The following TANC1 variants were observed in gnomAD, a reference collection of about 807,000 sequenced individuals.
TANC1 encodes protein TANC1.
Under a neutral mutation model 149.7 loss-of-function variants are expected in TANC1, and 77 were observed. That is an observed-to-expected ratio of 0.51 (90% CI 0.43 to 0.62). TANC1 has a LOEUF of 0.62. Among genes scored for constraint, TANC1 ranks in the 20% least tolerant of loss-of-function variants. The pLI, the probability that TANC1 is intolerant of heterozygous loss-of-function variation, is 0.00. For synonymous variants in TANC1, 854 were observed against 925.0 expected (o/e 0.92, Z 1.39); for missense variants, 1,985 against 2,321.8 (o/e 0.85, Z 2.98).
rs753976579 is a variant in TANC1 at position 159,230,903 on chromosome 2, T to C, written c.5477T>C (p.Leu1826Pro). The C allele has an allele frequency of 1.2e-6, 2 of 1,614,236 alleles. No individual in the cohort carries two copies. The stretch of plus-strand genomic sequence containing the variant: ...AGGATAACTAAGACTGTTTCTCATC[T>C]GTACCAGGAAAGTATCTCCAAACAG... The part of the protein sequence containing the change: ...ENRITKTVSH[L>P]YQESISKQQP... Residue 1826 changes from leucine (L) to proline (P), a missense_variant, in exon 27 of 27, where the codon CTG (leucine) becomes CCG (proline). Physicochemically the swap from Leu to Pro is moderately conservative, Grantham distance 98 (BLOSUM62 -3). Transcript: ENST00000263635. The surrounding 1 kb of genome is among the most constrained non-coding windows in gnomAD (Gnocchi z 4.4).
intron 2 of TANC1, among the ~76,000 whole-genome samples, chr2:159,047,203 T>G (rs2041137845): frequency 6.8e-6 from 1 of 147,392 alleles, no homozygotes; most frequent in Non-Finnish European, 1.5e-5. Flanking sequence ...CCCCCAGTTA[T>G]TGCCTGCTTC....
rs1553616294 is a variant in TANC1 at position 159,219,977 on chromosome 2, A to AGAGAGTGT, written c.3678+111_3678+112insAGAGTGTG. 68 of 560,688 alleles carry AGAGAGTGT rather than the reference A, an allele frequency of 1.2e-4. No homozygotes were observed. The African/African-American group carries it at 1.3e-3, about 10-fold the overall frequency. The allele number at this position is 560,688 out of a possible 1,614,324, so 34.7% of individuals were successfully genotyped here. On this transcript the variant is annotated intron_variant, in intron 22 of 26. Transcript: ENST00000263635. ...AGGTTGTGTCTCAGTGTCATCAGAG[A>AGAGAGTGT]GTGTGTGTGTGTGTGTGTGTGTGTG...
At chr2:159,118,169 G>A (rs1402738799) in intron 4 of TANC1, among the ~76,000 whole-genome samples, 4 of 152,188 alleles carry the variant, frequency 2.6e-5, no homozygotes, top group Admixed American at 2.0e-4. Context: ...AACGTAGTGG[G>A]TGCCAGGTTG....
intron 1 of TANC1, among the ~76,000 whole-genome samples, chr2:158,974,647 G>A (rs1335954543): frequency 6.6e-6 from 1 of 152,040 alleles, no homozygotes; most frequent in Non-Finnish European, 1.5e-5. Flanking sequence ...TGGCCAGGCT[G>A]GTCTTGAACT....
intron 3 of TANC1, among the ~76,000 whole-genome samples, chr2:159,067,406 A>G (rs183648267): frequency 1.3e-5 from 2 of 152,342 alleles, no homozygotes; most frequent in African/African-American, 4.8e-5. Context: ...AATGACCTAA[A>G]CAGGAGACCA....
chr2:159,173,253 A>T (rs1186927823), intron 11 of TANC1, among the ~76,000 whole-genome samples: 1 of 152,198 alleles, frequency 6.6e-6, no homozygotes, highest in Admixed American at 6.5e-5. Context: ...TTATTCTTAT[A>T]TCCTATAATA....
intron 16 of TANC1, among the ~76,000 whole-genome samples, chr2:159,189,707 AGCCCTTGCTCTGCAG>A (rs2057296029): frequency 6.6e-6 from 1 of 152,220 alleles, no homozygotes; most frequent in Non-Finnish European, 1.5e-5. Flanking sequence ...ACACTCAGCA[AGCCCTTGCTCTGCAG>A]GTGCCTTTAT....
At chr2:159,004,220 G>A (rs940891030) in intron 2 of TANC1, 159 of 1,612,424 alleles carry the variant, frequency 9.9e-5, no homozygotes, top group Non-Finnish European at 6.0e-5. Flanking sequence ...GGCAAGTCTT[G>A]GACAGTAAAG....
At chr2:159,004,367 A>G in intron 2 of TANC1, 2 of 1,533,380 alleles carry the variant, frequency 1.3e-6, no homozygotes, top group Non-Finnish European at 1.8e-6. Flanking sequence ...TGAACAAATC[A>G]GCTATGTGGT....
intron 21 of TANC1, 31 bp from the exon 22 acceptor site, chr2:159,219,661 T>C: frequency 6.2e-7 from 1 of 1,613,794 alleles, no homozygotes; most frequent in Non-Finnish European, 8.5e-7. Context: ...TCTCATAATG[T>C]TCATGTTCTG....
At chr2:159,151,409 C>T (rs2052796085) in intron 7 of TANC1, among the ~76,000 whole-genome samples, 1 of 152,236 alleles carries the variant, frequency 6.6e-6, no homozygotes, top group Admixed American at 6.5e-5. Context: ...TTCAGACCTT[C>T]CTCTGTTCCA....
chr2:159,058,339 T>A (rs901172478), intron 2 of TANC1, among the ~76,000 whole-genome samples: 6 of 152,222 alleles, frequency 3.9e-5, no homozygotes, highest in Non-Finnish European at 7.3e-5. Flanking sequence ...ATTTTGACCA[T>A]AAAGTTGGGA....
intron 3 of TANC1, among the ~76,000 whole-genome samples, chr2:159,074,215 G>A (rs1292662193): frequency 6.6e-6 from 1 of 152,204 alleles, no homozygotes; most frequent in Non-Finnish European, 1.5e-5. Context: ...AGTGCAGTGG[G>A]TAAAGGTAAA....
chr2:159,108,041 T>A (rs1352106821), intron 4 of TANC1, among the ~76,000 whole-genome samples: 1 of 152,230 alleles, frequency 6.6e-6, no homozygotes, highest in African/African-American at 2.4e-5. Context: ...AAGTAACTGT[T>A]AAAACCAATA....
Position 159,172,188 on chromosome 2 carries a change from C to T in TANC1, c.1419C>T (p.Ser473=), listed in dbSNP as rs1419055644. Residue 473 remains serine, a synonymous_variant, in exon 11 of 27, where the codon TCC becomes TCT. Transcript: ENST00000263635. ...LLSPSSSTSA[S]STAKTPLGSI... Reference sequence around the variant, plus strand: ...CACCGAGTTCTTCCACAAGTGCTTCCAGCACAGCTAAAACACCTCTTGGGT... The same window carrying T: ...CACCGAGTTCTTCCACAAGTGCTTCTAGCACAGCTAAAACACCTCTTGGGT... 1.2e-6 allele frequency: 2 copies of T among 1,614,196 alleles called. No homozygotes were observed. The highest frequency in any genetic ancestry group is 1.7e-6 in the Non-Finnish European group (2 of 1,180,014).
rs58590091 is a variant in TANC1, at chr2:159,160,282, G to A, written c.683-3001G>A. On this transcript the variant is annotated intron_variant, in intron 7 of 26. Transcript: ENST00000263635. ...ATGCTAGAATTTTTAAATTATTAAG[G>A]CAACTATAAACATTAGCCAGTCTCT... Among the ~76,000 whole-genome samples, 1,415 of 152,086 alleles carry A rather than the reference G, an allele frequency of 9.3e-3. 26 individuals carry two copies. Among genetic ancestry groups the A allele is most frequent in the African/African-American group, 0.032 (1,324 of 41,496 alleles).
At position 159,230,074 on chromosome 2, in the gene TANC1, G is replaced by A; in HGVS notation, c.4648G>A (p.Gly1550Ser). 6.2e-7 allele frequency: 1 copy of A among 1,613,996 alleles called. No individual in the cohort carries two copies. The highest frequency in any genetic ancestry group is 8.5e-7 in the Non-Finnish European group (1 of 1,180,052). Residue 1550 changes from glycine to serine, a missense_variant, in exon 27 of 27, where the codon GGC (glycine) becomes AGC (serine). Physicochemically the swap from Gly to Ser is moderately conservative, Grantham distance 56. This residue lies in a region of TANC1 where 920 missense variants were observed against 994.7 expected (regional missense o/e 0.92). Coordinates refer to ENST00000263635, the MANE Select transcript of TANC1 (RefSeq NM_033394.3). The surrounding 1 kb of genome is among the most constrained non-coding windows in gnomAD (Gnocchi z 4.4). ...CTCTGGCCAGTCGGCAGTGAGAAAT[G>A]GCAGTATGAAAGTTCAGATCTCTTC... The part of the protein sequence containing the change: ...LGSGQSAVRN[G>S]SMKVQISSQN...
At chr2:159,117,087 T>C (rs1317171153) in intron 4 of TANC1, among the ~76,000 whole-genome samples, 6 of 152,186 alleles carry the variant, frequency 3.9e-5, no homozygotes, top group Admixed American at 2.6e-4. Context: ...AGTGAAGCAG[T>C]GTTTGCTGCT....
At chr2:159,065,120 T>C (rs1425155187) in intron 2 of TANC1, among the ~76,000 whole-genome samples, 2 of 152,154 alleles carry the variant, frequency 1.3e-5, no homozygotes, top group Non-Finnish European at 2.9e-5. Context: ...GAAATAATGG[T>C]CCTTTTGTCT....
Sources: gnomAD v4.1 joint callset for allele counts (sites outside exome capture counted in the v4.1 genomes callset) on GRCh38, gnomAD v4.1.1 for gene constraint, gnomAD v4.1.1 regional missense constraint, Gnocchi (gnomAD v3.1) non-coding constraint, MANE v1.5 for transcripts, NCBI Gene and HGNC (gene_info 2026-07-23, HGNC 2026-07-21) for gene names.